Variants in UVRAG observed in about 807,000 individuals in gnomAD.
UVRAG encodes the protein UV radiation resistance associated, also known as UV radiation resistance-associated gene protein.
In UVRAG, 19 loss-of-function variants were observed where a neutral mutation model predicts 78.0. The ratio of observed to expected loss-of-function variants is 0.24; its 90% CI spans 0.17 to 0.36. The LOEUF is 0.36. Ranked by LOEUF, UVRAG falls within the 10% of genes least tolerant of loss-of-function variation. UVRAG has a pLI of 1.00. For synonymous variants in UVRAG, 323 were observed against 324.6 expected (o/e 1.00, Z 0.05); for missense variants, 740 against 853.8 (o/e 0.87, Z 1.66).
intron 12 of UVRAG, among the ~76,000 whole-genome samples, chr11:76,054,508 T>G (rs532480320): frequency 6.6e-6 from 1 of 152,246 alleles, no homozygotes; most frequent in African/African-American, 2.4e-5. Flanking sequence ...CCCTGCATGA[T>G]GTAAACCGAT....
chr11:75,943,303 G>GTTT (rs754035715), intron 6 of UVRAG, among the ~76,000 whole-genome samples: 2 of 126,518 alleles, frequency 1.6e-5, no homozygotes, highest in African/African-American at 5.7e-5. Context: ...CACTTTTCCT[G>GTTT]TTTTTTTTTT....
At chr11:75,946,511 G>A (rs187783743) in intron 6 of UVRAG, among the ~76,000 whole-genome samples, 22 of 152,280 alleles carry the variant, frequency 1.4e-4, no homozygotes, top group African/African-American at 5.3e-4. Context: ...CTTTAGGCCG[G>A]AAATTTGGGA....
intron 12 of UVRAG, among the ~76,000 whole-genome samples, chr11:76,027,018 A>G (rs1950338082): frequency 6.6e-6 from 1 of 152,074 alleles, no homozygotes; most frequent in Middle Eastern, 3.2e-3. Flanking sequence ...GTGTTTTAGA[A>G]CCAGTCGGAA....
chr11:76,021,468 G>A (rs1950245797), intron 12 of UVRAG, among the ~76,000 whole-genome samples: 1 of 152,062 alleles, frequency 6.6e-6, no homozygotes, highest in South Asian at 2.1e-4. Context: ...GAAAAGACTT[G>A]TGGTTTTGTT....
At chr11:75,998,211 G>A (rs1949743158) in intron 8 of UVRAG, among the ~76,000 whole-genome samples, 1 of 152,136 alleles carries the variant, frequency 6.6e-6, no homozygotes, top group South Asian at 2.1e-4. Context: ...GGCACTAAGG[G>A]GTGAGGCTTT....
chr11:75,891,826 A>G (rs966349227), intron 5 of UVRAG, among the ~76,000 whole-genome samples: 1 of 151,958 alleles, frequency 6.6e-6, no homozygotes, highest in African/African-American at 2.4e-5. Flanking sequence ...AGGCGGGAGG[A>G]TTGCTTGAGA....
chr11:75,877,464 AC>A (rs577523996), intron 3 of UVRAG, among the ~76,000 whole-genome samples: 2 of 120,702 alleles, frequency 1.7e-5, no homozygotes, highest in East Asian at 2.5e-4. Flanking sequence ...ACGGGGGGTG[AC>A]CCCCCCACCT....
chr11:75,820,090 C>G (rs1047571232), intron 1 of UVRAG, among the ~76,000 whole-genome samples: 27 of 152,128 alleles, frequency 1.8e-4, no homozygotes, highest in African/African-American at 6.5e-4. Context: ...GATTATCTTG[C>G]CTCAGCCTCC....
intron 6 of UVRAG, among the ~76,000 whole-genome samples, chr11:75,924,240 A>AT (rs1179185128): frequency 4.6e-5 from 7 of 152,170 alleles, no homozygotes; most frequent in African/African-American, 1.7e-4. Flanking sequence ...TAGATTTTTA[A>AT]TTACCTTTCC....
chr11:75,974,075 C>T (rs1295851468), intron 7 of UVRAG, among the ~76,000 whole-genome samples: 1 of 152,162 alleles, frequency 6.6e-6, no homozygotes, highest in South Asian at 2.1e-4. Context: ...TACCCAGTAA[C>T]AGGATGGCTG....
Position 75,912,056 on chromosome 11 carries a change from A to T in UVRAG, c.593+17A>T. The T allele has an allele frequency of 6.6e-7, 1 of 1,515,464 alleles. No individual in the cohort carries two copies. Among genetic ancestry groups the T allele is most frequent in the Non-Finnish European group, 9.1e-7 (1 of 1,095,642 alleles). The allele number at this position is 1,515,464 out of a possible 1,614,324, so 93.9% of individuals were successfully genotyped here. A position where few individuals can be genotyped will look rare whatever the true frequency, so the allele number is the denominator to read the frequency against. Reference sequence around the variant, plus strand: ...TTTGCTACGGTAAGAAACTTCTTAGATTGCCCTGAATTCTAAAGAATCTTT... The same window carrying T: ...TTTGCTACGGTAAGAAACTTCTTAGTTTGCCCTGAATTCTAAAGAATCTTT... On this transcript the variant is annotated intron_variant, in intron 6 of 14. Coordinates refer to ENST00000356136, the MANE Select transcript of UVRAG (RefSeq NM_003369.4).
At chr11:76,104,696 A>G (rs1181543664) in intron 13 of UVRAG, among the ~76,000 whole-genome samples, 1 of 152,230 alleles carries the variant, frequency 6.6e-6, no homozygotes, top group Non-Finnish European at 1.5e-5. Flanking sequence ...ATATACATGC[A>G]CACAATTCAG....
intron 8 of UVRAG, among the ~76,000 whole-genome samples, chr11:75,985,218 C>T (rs1949476107): frequency 6.9e-6 from 1 of 144,418 alleles, no homozygotes; most frequent in Non-Finnish European, 1.5e-5. Context: ...TTCGTTTTAG[C>T]CTTTCTGTTG....
At chr11:76,015,629 T>C (rs925920482) in intron 11 of UVRAG, among the ~76,000 whole-genome samples, 3 of 152,108 alleles carry the variant, frequency 2.0e-5, no homozygotes, top group Non-Finnish European at 2.9e-5. Context: ...TAGTTACCTA[T>C]TTTTATAAGA....
intron 12 of UVRAG, among the ~76,000 whole-genome samples, chr11:76,032,903 G>C (rs540716979): frequency 6.6e-6 from 1 of 152,262 alleles, no homozygotes; most frequent in African/African-American, 2.4e-5. Context: ...TAAGAGAAGA[G>C]TATTAATATT....
chr11:76,069,888 A>C (rs1951268435), intron 13 of UVRAG, among the ~76,000 whole-genome samples: 2 of 152,188 alleles, frequency 1.3e-5, no homozygotes, highest in Admixed American at 1.3e-4. Context: ...TAGAAAAGGA[A>C]GCAAACGTTT....
intron 14 of UVRAG, chr11:76,137,256 G>T: frequency 2.2e-6 from 1 of 449,528 alleles, no homozygotes; most frequent in Non-Finnish European, 4.5e-6. Context: ...GCGGGCAGGG[G>T]CACTGATTCA....
intron 12 of UVRAG, among the ~76,000 whole-genome samples, chr11:76,035,217 A>C (rs1459380865): frequency 6.6e-6 from 1 of 152,138 alleles, no homozygotes; most frequent in African/African-American, 2.4e-5. Flanking sequence ...CTAATATTGA[A>C]TTTGCTGAGT....
intron 7 of UVRAG, among the ~76,000 whole-genome samples, chr11:75,977,152 G>C (rs1949261399): frequency 6.6e-6 from 1 of 152,150 alleles, no homozygotes; most frequent in African/African-American, 2.4e-5. Flanking sequence ...GGAGCAGGTT[G>C]TTCAGTTTCC....
Sources: allele counts gnomAD v4.1 joint callset (sites outside exome capture counted in the v4.1 genomes callset), GRCh38; gene constraint gnomAD v4.1.1; transcripts MANE v1.5; gene names NCBI Gene and HGNC (gene_info 2026-07-23, HGNC 2026-07-21).